Variants in LINGO2 observed in about 807,000 individuals in gnomAD.
LINGO2 encodes the protein leucine rich repeat and Ig domain containing 2.
In LINGO2, 14 loss-of-function variants were observed where a neutral mutation model predicts 30.6. The observed-to-expected ratio is 0.46, with a 90% CI of 0.30 to 0.72. The LOEUF is 0.72. Ranked by LOEUF, LINGO2 falls within the 30% of genes least tolerant of loss-of-function variation. LINGO2 has a pLI of 0.07. For synonymous variants in LINGO2, 317 were observed against 288.5 expected (o/e 1.10, Z -1.00); for missense variants, 729 against 751.7 (o/e 0.97, Z 0.35).
chr9:29,206,473 T>C, the LINGO2 span, among the ~76,000 whole-genome samples: 1 of 152,188 alleles, frequency 6.6e-6, no homozygotes, highest in Non-Finnish European at 1.5e-5. Context: ...CTTACTATTG[T>C]GTTATTTTGC....
intron 3 of LINGO2, among the ~76,000 whole-genome samples, chr9:28,328,093 A>G (rs892669003): frequency 1.3e-5 from 2 of 152,172 alleles, no homozygotes; most frequent in Non-Finnish European, 2.9e-5. Context: ...ATTGCAGTGG[A>G]GAATATTAAA....
At chr9:28,970,060 G>C in the LINGO2 span, among the ~76,000 whole-genome samples, 1 of 152,018 alleles carries the variant, frequency 6.6e-6, no homozygotes, top group African/African-American at 2.4e-5. Flanking sequence ...GACAGTGTAC[G>C]TGGGAAAAGA....
At chr9:28,263,039 G>T (rs746853903) in intron 4 of LINGO2, among the ~76,000 whole-genome samples, 14 of 151,960 alleles carry the variant, frequency 9.2e-5, no homozygotes, top group Non-Finnish European at 7.4e-5. Flanking sequence ...GTCTCCTAAG[G>T]CTTAAATTAA....
intron 4 of LINGO2, among the ~76,000 whole-genome samples, chr9:28,189,346 AGGAAGGAAGGGAGGGAGGGAGGAAGGG>A (rs1819682175): frequency 3.2e-5 from 1 of 31,292 alleles, no homozygotes; most frequent in African/African-American, 1.4e-4. Context: ...GAAGGAAGGG[AGGAAGGAAGGGAGGGAGGGAGGAAGGG>A]AGGGAGGAAG....
chr9:28,192,894 TC>T (rs1819871732), intron 4 of LINGO2, among the ~76,000 whole-genome samples: 1 of 152,066 alleles, frequency 6.6e-6, no homozygotes, highest in Admixed American at 6.6e-5. Flanking sequence ...TCTGCCTCCT[TC>T]CCAAGGGGCA....
At chr9:28,583,200 T>C (rs1359853416) in intron 1 of LINGO2, among the ~76,000 whole-genome samples, 4 of 151,936 alleles carry the variant, frequency 2.6e-5, no homozygotes, top group Non-Finnish European at 4.4e-5. Flanking sequence ...GAAGATAAAA[T>C]AATTACAGCA....
At chr9:28,455,665 G>C (rs1378247652) in intron 2 of LINGO2, among the ~76,000 whole-genome samples, 1 of 152,098 alleles carries the variant, frequency 6.6e-6, no homozygotes, top group East Asian at 1.9e-4. Flanking sequence ...GGGAGAATAG[G>C]CCATGCTACT....
At chr9:29,045,987 T>A in the LINGO2 span, among the ~76,000 whole-genome samples, 20 of 152,280 alleles carry the variant, frequency 1.3e-4, no homozygotes, top group African/African-American at 4.8e-4. Context: ...ATTAATTTTG[T>A]ATCCTGCAAC....
chr9:28,400,789 G>A (rs1822231484), intron 2 of LINGO2, among the ~76,000 whole-genome samples: 1 of 152,024 alleles, frequency 6.6e-6, no homozygotes, highest in Non-Finnish European at 1.5e-5. Flanking sequence ...AAATTTAAGA[G>A]AACAACACGA....
chr9:28,267,640 C>T (rs2134073544), intron 4 of LINGO2, among the ~76,000 whole-genome samples: 1 of 152,112 alleles, frequency 6.6e-6, no homozygotes, highest in East Asian at 1.9e-4. Context: ...GACAAAATCC[C>T]ACCAATCCTG....
At chr9:28,359,779 C>T (rs534882603) in intron 3 of LINGO2, among the ~76,000 whole-genome samples, 45 of 152,238 alleles carry the variant, frequency 3.0e-4, no homozygotes, top group African/African-American at 9.6e-4. Flanking sequence ...CTGCTTAATG[C>T]GTAACACTTT....
intron 1 of LINGO2, among the ~76,000 whole-genome samples, chr9:28,478,735 A>G (rs1446280850): frequency 1.3e-5 from 2 of 152,106 alleles, no homozygotes; most frequent in Non-Finnish European, 2.9e-5. Flanking sequence ...CAAACCATAC[A>G]TACTTCTTCT....
At chr9:28,266,711 T>C (rs892578783) in intron 4 of LINGO2, among the ~76,000 whole-genome samples, 5 of 151,990 alleles carry the variant, frequency 3.3e-5, no homozygotes, top group African/African-American at 1.2e-4. Context: ...AAAACCTAAA[T>C]TGGGTTAATA....
chr9:28,562,090 T>G (rs1003474125), intron 1 of LINGO2, among the ~76,000 whole-genome samples: 1 of 151,918 alleles, frequency 6.6e-6, no homozygotes, highest in African/African-American at 2.4e-5. Context: ...CTGCAGAGAT[T>G]GCAGGGAACT....
intron 1 of LINGO2, among the ~76,000 whole-genome samples, chr9:28,491,590 T>C (rs1826397188): frequency 6.6e-6 from 1 of 152,228 alleles, no homozygotes; most frequent in Non-Finnish European, 1.5e-5. Context: ...ATTTTAACTA[T>C]GTTTTTGTAT....
chr9:28,040,154 T>G (rs998081043), intron 4 of LINGO2, among the ~76,000 whole-genome samples: 15 of 147,492 alleles, frequency 1.0e-4, no homozygotes, highest in African/African-American at 3.8e-4. Flanking sequence ...AAATTTTGCC[T>G]TCTTTATTTT....
At chr9:28,666,843 A>G (rs1828820848) in intron 1 of LINGO2, among the ~76,000 whole-genome samples, 1 of 152,194 alleles carries the variant, frequency 6.6e-6, no homozygotes, top group Non-Finnish European at 1.5e-5. Context: ...AAACTAATGC[A>G]TGTTTAAGCA....
At chr9:29,103,170 A>G in the LINGO2 span, among the ~76,000 whole-genome samples, 3 of 152,124 alleles carry the variant, frequency 2.0e-5, no homozygotes, top group Non-Finnish European at 4.4e-5. Flanking sequence ...GATTCTAAAG[A>G]TCACCTCAAG....
At chr9:29,039,183 GAAC>G in the LINGO2 span, among the ~76,000 whole-genome samples, 1 of 152,116 alleles carries the variant, frequency 6.6e-6, no homozygotes, top group Non-Finnish European at 1.5e-5. Flanking sequence ...ACCAATTTAT[GAAC>G]AACAATTGAA....
Sources: allele counts gnomAD v4.1 joint callset (sites outside exome capture counted in the v4.1 genomes callset), GRCh38; gene constraint gnomAD v4.1.1; transcripts MANE v1.5; gene names NCBI Gene and HGNC (gene_info 2026-07-23, HGNC 2026-07-21).